Variants in SLC24A2 observed in about 807,000 individuals in gnomAD.
SLC24A2 encodes the protein solute carrier family 24 member 2, also known as sodium/potassium/calcium exchanger 2.
Under a neutral mutation model 62.0 loss-of-function variants are expected in SLC24A2, and 36 were observed. That is an observed-to-expected ratio of 0.58 (90% CI 0.44 to 0.77). The LOEUF (loss-of-function observed/expected upper bound fraction) is 0.77, where lower values mean the gene tolerates loss of function less well. Among genes scored for constraint, SLC24A2 ranks in the 30% least tolerant of loss-of-function variants. The pLI is 0.00. For synonymous variants in SLC24A2, 358 were observed against 294.0 expected (o/e 1.22, Z -2.23); for missense variants, 846 against 817.9 (o/e 1.03, Z -0.42).
intron 8 of SLC24A2, among the ~76,000 whole-genome samples, chr9:19,547,197 A>G (rs1834623666): frequency 6.6e-6 from 1 of 152,210 alleles, no homozygotes. Flanking sequence ...GTTCTTCCTA[A>G]GAGTCTTATT....
At chr9:20,133,857 T>C in the SLC24A2 span, among the ~76,000 whole-genome samples, 1 of 152,164 alleles carries the variant, frequency 6.6e-6, no homozygotes, top group African/African-American at 2.4e-5. Flanking sequence ...GAAAAAGTTT[T>C]AAAAGACAAA....
the SLC24A2 span, among the ~76,000 whole-genome samples, chr9:19,961,890 T>C: frequency 6.6e-6 from 1 of 152,274 alleles, no homozygotes; most frequent in African/African-American, 2.4e-5. Context: ...TCCAGACTCT[T>C]CAAAAGAATG....
chr9:19,740,861 T>C (rs916846590), intron 2 of SLC24A2, among the ~76,000 whole-genome samples: 8 of 120,288 alleles, frequency 6.7e-5, no homozygotes, highest in Non-Finnish European at 1.4e-4. Context: ...TTTTCCATTA[T>C]AAAAAGGACC....
chr9:20,170,273 C>G, the SLC24A2 span, among the ~76,000 whole-genome samples: 1 of 141,844 alleles, frequency 7.1e-6, no homozygotes, highest in Non-Finnish European at 1.5e-5. Context: ...GAAACCAGCA[C>G]TCAGGCAAAA....
the SLC24A2 span, among the ~76,000 whole-genome samples, chr9:19,949,995 G>C: frequency 6.6e-6 from 1 of 152,186 alleles, no homozygotes; most frequent in South Asian, 2.1e-4. Context: ...CCACTGAATT[G>C]TATAATTCGC....
At chr9:19,663,621 A>T (rs1048150635) in intron 2 of SLC24A2, among the ~76,000 whole-genome samples, 4 of 152,154 alleles carry the variant, frequency 2.6e-5, no homozygotes, top group Non-Finnish European at 4.4e-5. Context: ...AGCAGGGGTC[A>T]ACTCCAGCTT....
chr9:19,587,290 AT>A (rs1836402830), intron 5 of SLC24A2, among the ~76,000 whole-genome samples: 1 of 152,192 alleles, frequency 6.6e-6, no homozygotes, highest in Non-Finnish European at 1.5e-5. Context: ...CCAATCATTT[AT>A]TTTATTGTAA....
the SLC24A2 span, among the ~76,000 whole-genome samples, chr9:20,129,299 G>A: frequency 6.6e-6 from 1 of 152,106 alleles, no homozygotes; most frequent in African/African-American, 2.4e-5. Flanking sequence ...AAGTGAGTTG[G>A]TGAAGACAAT....
At chr9:20,297,492 G>C in the SLC24A2 span, among the ~76,000 whole-genome samples, 2 of 152,216 alleles carry the variant, frequency 1.3e-5, no homozygotes, top group African/African-American at 4.8e-5. Flanking sequence ...GAAGGGTTTG[G>C]CACGTGGACT....
the SLC24A2 span, among the ~76,000 whole-genome samples, chr9:20,163,419 T>G: frequency 6.6e-6 from 1 of 152,052 alleles, no homozygotes; most frequent in South Asian, 2.1e-4. Flanking sequence ...GAATCCAACT[T>G]ACAAGGGACG....
chr9:19,637,187 A>G (rs1358367259), intron 2 of SLC24A2, among the ~76,000 whole-genome samples: 1 of 152,242 alleles, frequency 6.6e-6, no homozygotes, highest in Non-Finnish European at 1.5e-5. Context: ...AGAACAGAGT[A>G]GAAGGCAGCA....
chr9:20,123,006 C>T, the SLC24A2 span, among the ~76,000 whole-genome samples: 6 of 152,096 alleles, frequency 3.9e-5, no homozygotes, highest in Non-Finnish European at 7.4e-5. Context: ...GCTTTGTTTT[C>T]GACTCATTCT....
intron 2 of SLC24A2, among the ~76,000 whole-genome samples, chr9:19,622,961 C>T (rs1342902317): frequency 6.6e-6 from 1 of 152,108 alleles, no homozygotes; most frequent in African/African-American, 2.4e-5. Context: ...GTTCCCATCA[C>T]CTCAAGTTTT....
chr9:19,727,529 T>G (rs1821206329), intron 2 of SLC24A2, among the ~76,000 whole-genome samples: 1 of 152,194 alleles, frequency 6.6e-6, no homozygotes, highest in South Asian at 2.1e-4. Context: ...GCAGGGATTT[T>G]GGCCAGTTTT....
rs1240575390 is a variant in SLC24A2, at chr9:19,512,045, C to CT, written c.*4107dup. On this transcript the variant is annotated 3_prime_UTR_variant, in exon 11 of 11. Transcript: ENST00000341998. ...TCTGGCCAGCCACTCTACCAGGTGT[C>CT]TTTTCTTTGGTCAACTTTTTGTTAA... is the stretch of plus-strand genomic sequence containing the variant. 3.3e-5 allele frequency: 5 copies of CT among 152,350 alleles called. No individual in the cohort carries two copies. Among genetic ancestry groups the CT allele is most frequent in the African/African-American group, 9.6e-5 (4 of 41,466 alleles). The allele number at this position is 152,350 out of a possible 1,614,324, so 9.4% of individuals were successfully genotyped here.
intron 2 of SLC24A2, among the ~76,000 whole-genome samples, chr9:19,652,714 C>CTGG (rs1481243834): frequency 6.6e-6 from 1 of 152,166 alleles, no homozygotes; most frequent in African/African-American, 2.4e-5. Context: ...GTAATTTATA[C>CTGG]TGGTAATAAT....
At chr9:19,707,051 C>T (rs1451365327) in intron 2 of SLC24A2, among the ~76,000 whole-genome samples, 1 of 151,708 alleles carries the variant, frequency 6.6e-6, no homozygotes, top group Non-Finnish European at 1.5e-5. Flanking sequence ...CAAATAGACG[C>T]AATAAAAAAT....
intron 10 of SLC24A2, among the ~76,000 whole-genome samples, chr9:19,518,686 C>T (rs1833052848): frequency 6.6e-6 from 1 of 152,110 alleles, no homozygotes; most frequent in African/African-American, 2.4e-5. Flanking sequence ...TCCCAAAGTG[C>T]TGGGATTACA....
At chr9:20,216,619 T>G in the SLC24A2 span, among the ~76,000 whole-genome samples, 15 of 152,234 alleles carry the variant, frequency 9.9e-5, no homozygotes, top group Admixed American at 2.0e-4. Flanking sequence ...TTATCACTCC[T>G]GGGGCAGTGA....
Sources: gnomAD v4.1 joint callset for allele counts (sites outside exome capture counted in the v4.1 genomes callset) on GRCh38, gnomAD v4.1.1 for gene constraint, MANE v1.5 for transcripts, NCBI Gene and HGNC (gene_info 2026-07-23, HGNC 2026-07-21) for gene names.